The following POLE variants were observed in gnomAD, a reference collection of about 807,000 sequenced individuals.
POLE encodes the protein DNA polymerase epsilon catalytic subunit A.
Under a neutral mutation model 279.2 loss-of-function variants are expected in POLE, and 188 were observed. The observed-to-expected ratio is 0.67, with a 90% CI of 0.60 to 0.76. POLE has a LOEUF of 0.76. POLE is among the 30% of genes least tolerant of loss of function. POLE has a pLI of 0.00. For missense variants in POLE, 2,703 were observed against 3,016.7 expected, an observed-to-expected ratio of 0.90 and a Z score of 2.44; for synonymous variants, 1,214 against 1,172.5, an observed-to-expected ratio of 1.04 and a Z score of -0.72.
intron 43 of POLE, 174 bp from the exon 44 acceptor site, chr12:132,632,969 T>C: frequency 1.5e-6 from 1 of 660,896 alleles, no homozygotes; most frequent in Non-Finnish European, 2.5e-6. Flanking sequence ...AAGTGAGAAG[T>C]GGAAATGAGA....
At chr12:132,682,311 A>AAAAAT (rs1555230620) in intron 1 of POLE, among the ~76,000 whole-genome samples, 77 of 74,454 alleles carry the variant, frequency 1.0e-3, no homozygotes, top group African/African-American at 2.6e-3. Context: ...AAAATAAATA[A>AAAAAT]AAATAAATAA....
chr12:132,626,209 G>C lies in POLE; in HGVS notation c.6439C>G (p.Pro2147Ala), dbSNP rs776658476. 1.2e-6 allele frequency: 2 copies of C among 1,613,854 alleles called. No homozygotes were observed. The highest frequency in any genetic ancestry group is 1.7e-5 in the Admixed American group (1 of 60,012). Reference protein sequence around the residue: ...EFSEEAQFRDPCRSYVLPEVI... With the variant: ...EFSEEAQFRDACRSYVLPEVI... The stretch of plus-strand genomic sequence containing the variant: ...TCAGGAAGCACGTAGGAGCGGCAGG[G>C]GTCTCGGAACTGGGCCTCCTCGGAG... The change falls in exon 46 of 49, where the codon CCC (proline) becomes GCC (alanine). Residue 2147 changes from proline (P) to alanine (A), a missense_variant. Coordinates refer to ENST00000320574, the MANE Select transcript of POLE (RefSeq NM_006231.4).
intron 32 of POLE, among the ~76,000 whole-genome samples, chr12:132,646,633 A>C (rs1370780570): frequency 1.3e-5 from 2 of 151,944 alleles, no homozygotes; most frequent in East Asian, 3.9e-4. Context: ...GGAGTTCGAG[A>C]CCAGCCTAAC....
intron 45 of POLE, among the ~76,000 whole-genome samples, chr12:132,629,984 C>T (rs1438015943): frequency 1.3e-5 from 2 of 152,108 alleles, no homozygotes; most frequent in Admixed American, 6.6e-5. Context: ...GTTGTGTCAC[C>T]GGGACTGGGG....
chr12:132,683,791 C>G (rs993168986), intron 1 of POLE, among the ~76,000 whole-genome samples: 1 of 152,264 alleles, frequency 6.6e-6, no homozygotes, highest in African/African-American at 2.4e-5. Flanking sequence ...AAACTGCTCA[C>G]TGGGACCATA....
rs2042969575 is a variant in POLE, at chr12:132,673,179, G to T, written c.1458C>A (p.Pro486=). 6.2e-7 allele frequency: 1 copy of T among 1,607,516 alleles called. No homozygotes were observed. The highest frequency in any genetic ancestry group is 8.5e-7 in the Non-Finnish European group (1 of 1,173,918). ...PFIFALCTII[P]MEPDEVLRKG... ...TAATGCTCACCTCGTCGGGCTCCAT[G>T]GGAATAATGGTGCACAGAGCAAAGA... is the stretch of plus-strand genomic sequence containing the variant. Residue 486 remains proline (P), a synonymous_variant, in exon 14 of 49, where the codon CCC becomes CCA. Coordinates refer to ENST00000320574, the MANE Select transcript of POLE (RefSeq NM_006231.4).
chr12:132,680,607 C>G lies in POLE; in HGVS notation c.285G>C (p.Lys95Asn). Residue 95 changes from lysine (K) to asparagine (N), a missense_variant and splice_region_variant, in exon 3 of 49, where the codon AAG becomes AAC. This residue lies in a region of POLE where 1,011 missense variants were observed against 1,111.7 expected (regional missense o/e 0.91). Coordinates refer to ENST00000320574, the MANE Select transcript of POLE (RefSeq NM_006231.4). ...YFIQDDGSRF[K>N]VALPYKPYFY... ...TAGCTTGTCGCAGTCAGGGGCTTACCTTAAATCTGCTTCCGTCATCTTGAA... is the reference window on the plus strand; with the variant it reads ...TAGCTTGTCGCAGTCAGGGGCTTACGTTAAATCTGCTTCCGTCATCTTGAA... 6.2e-7 allele frequency: 1 copy of G among 1,612,742 alleles called. No individual in the cohort carries two copies. The highest frequency in any genetic ancestry group is 8.5e-7 in the Non-Finnish European group (1 of 1,178,770).
At chr12:132,686,268 T>C (rs143559167) in intron 1 of POLE, among the ~76,000 whole-genome samples, 1 of 151,728 alleles carries the variant, frequency 6.6e-6, no homozygotes, top group Non-Finnish European at 1.5e-5. Flanking sequence ...CCTTGCTCTA[T>C]TTTTTTTGAG....
At chr12:132,659,745 T>G (rs2042637847) in intron 25 of POLE, 2 of 494,914 alleles carry the variant, frequency 4.0e-6, no homozygotes, top group Non-Finnish European at 7.3e-6. Flanking sequence ...CAGGCTGGAG[T>G]GCAGTGGTGC....
chr12:132,659,686 A>C (rs957299125), intron 25 of POLE, 177 bp from the exon 26 acceptor site: 16 of 596,030 alleles, frequency 2.7e-5, no homozygotes, highest in Non-Finnish European at 4.2e-5. Context: ...CACACACACA[A>C]AACTTTAGCT....
rs2042003100 is a variant in POLE at position 132,634,810 on chromosome 12, A to C, written c.5812-432T>G. Among the ~76,000 whole-genome samples the C allele has an allele frequency of 6.6e-6, 1 of 152,090 alleles. No homozygotes were observed. Among genetic ancestry groups the C allele is most frequent in the Non-Finnish European group, 1.5e-5 (1 of 68,010 alleles). On this transcript the variant is annotated intron_variant, in intron 42 of 48. Coordinates refer to ENST00000320574, the MANE Select transcript of POLE (RefSeq NM_006231.4). The surrounding 1 kb of genome is among the most constrained non-coding windows in gnomAD (Gnocchi z 4.0). ...CACGGCACCATCCACGTCTGTGTAGACACCGACACCCACTGCCACCTGCCC... is the reference window on the plus strand; with the variant it reads ...CACGGCACCATCCACGTCTGTGTAGCCACCGACACCCACTGCCACCTGCCC...
In POLE at chr12:132,632,352, T is replaced by C. The variant is rs2041949605; in HGVS notation, c.6293A>G (p.Asn2098Ser). ...PVLPGSHLLL[N>S]NPALEFIKYV... ...TTTGATGAACTCCAGGGCAGGGTTA[T>C]TGAGCAGCAAGTGGGAACCGGGGAG... is the stretch of plus-strand genomic sequence containing the variant. Residue 2098 changes from asparagine to serine, a missense_variant, in exon 45 of 49, where the codon AAT (asparagine) becomes AGT (serine). Physicochemically the swap from Asn to Ser is conservative, Grantham distance 46. Coordinates refer to ENST00000320574, the MANE Select transcript of POLE (RefSeq NM_006231.4). 2 of 1,614,186 alleles carry C rather than the reference T, an allele frequency of 1.2e-6. No homozygotes were observed. The highest frequency in any genetic ancestry group is 8.5e-7 in the Non-Finnish European group (1 of 1,180,002).
In POLE at chr12:132,648,920, C is replaced by T. The variant is rs1478720555; in HGVS notation, c.4149+9G>A. Reference sequence around the variant, plus strand: ...GATGACTGCAGAGGCAGCACCAGCTCCTCCCTACCTTGCGATACGAAGCAC... The same window carrying T: ...GATGACTGCAGAGGCAGCACCAGCTTCTCCCTACCTTGCGATACGAAGCAC... On this transcript the variant is annotated intron_variant, in intron 32 of 48. Transcript: ENST00000320574. 2 of 1,608,930 alleles carry T rather than the reference C, an allele frequency of 1.2e-6. No individual in the cohort carries two copies. Among genetic ancestry groups the T allele is most frequent in the Non-Finnish European group, 1.7e-6 (2 of 1,176,796 alleles).
intron 32 of POLE, among the ~76,000 whole-genome samples, chr12:132,647,502 G>C (rs1278189466): frequency 6.6e-6 from 1 of 150,768 alleles, no homozygotes; most frequent in Non-Finnish European, 1.5e-5. Context: ...AAGGAATAGA[G>C]TTCATTTCTA....
At chr12:132,677,270 T>C in intron 8 of POLE, 93 bp downstream of exon 8, 1 of 892,966 alleles carries the variant, frequency 1.1e-6, no homozygotes, top group South Asian at 1.3e-5. Flanking sequence ...GCAGCAAACA[T>C]ATCTTTGAGT....
intron 6 of POLE, among the ~76,000 whole-genome samples, chr12:132,679,028 A>T (rs1453143672): frequency 1.3e-5 from 2 of 152,182 alleles, no homozygotes; most frequent in African/African-American, 4.8e-5. Context: ...TCATTACTCA[A>T]GATTTTCTCT....
rs771743561 is a variant in POLE, at chr12:132,639,067, G to GT, written c.5552+57dup. The GT allele has an allele frequency of 7.0e-5, 104 of 1,491,474 alleles. No homozygotes were observed. Among genetic ancestry groups the GT allele is most frequent in the Non-Finnish European group, 9.4e-5 (101 of 1,072,740 alleles). 92.4% of individuals were successfully genotyped at this position (1,491,474 alleles called of 1,614,324 possible). A position where few individuals can be genotyped will look rare whatever the true frequency, so the allele number is the denominator to read the frequency against. On this transcript the variant is annotated intron_variant, in intron 40 of 48. Coordinates refer to ENST00000320574, the MANE Select transcript of POLE (RefSeq NM_006231.4). The surrounding 1 kb of genome is among the most constrained non-coding windows in gnomAD (Gnocchi z 4.7). Reference sequence around the variant, plus strand: ...CTGGCCATGTCTCTGGTTCTGGGGAGTAAGGGACCAGCCCAGCTGAGGACG... The same window carrying GT: ...CTGGCCATGTCTCTGGTTCTGGGGAGTTAAGGGACCAGCCCAGCTGAGGACG...
In POLE at chr12:132,664,447, G is replaced by A. The variant is rs1060504053; in HGVS notation, c.2484C>T (p.Ser828=). Residue 828 remains serine (S), a synonymous_variant, in exon 22 of 49, where the codon TCC becomes TCT. Transcript: ENST00000320574. The surrounding 1 kb of genome is among the most constrained non-coding windows in gnomAD (Gnocchi z 5.3). The stretch of plus-strand genomic sequence containing the variant: ...AGCAGACGATGCCAGCCATCTCCAT[G>A]GAGTACCAGCGAGCCCTGAGAGGAC... ...YVMRKGARWY[S]MEMAGIVCFT... The A allele has an allele frequency of 6.2e-7, 1 of 1,613,994 alleles. No homozygotes were observed. Among genetic ancestry groups the A allele is most frequent in the Non-Finnish European group, 8.5e-7 (1 of 1,179,970 alleles).
Position 132,626,446 on chromosome 12 carries a change from A to G in POLE, c.6331-129T>C, listed in dbSNP as rs1013145996. ...CTTTCCTCCCTTCCTTAGTCCCTTT[A>G]GACGCCTCAGCTGACTTCTCTACAT... On this transcript the variant is annotated intron_variant, in intron 45 of 48. Transcript: ENST00000320574. 23 of 798,124 alleles carry G rather than the reference A, an allele frequency of 2.9e-5. No individual in the cohort carries two copies. In the African/African-American group the frequency reaches 3.3e-4, roughly 11 times the overall value. 49.4% of individuals were successfully genotyped at this position (798,124 alleles called of 1,614,324 possible).
Sources: gnomAD v4.1 joint callset for allele counts (sites outside exome capture counted in the v4.1 genomes callset) on GRCh38, gnomAD v4.1.1 for gene constraint, gnomAD v4.1.1 regional missense constraint, Gnocchi (gnomAD v3.1) non-coding constraint, MANE v1.5 for transcripts, NCBI Gene and HGNC (gene_info 2026-07-23, HGNC 2026-07-21) for gene names.